The following WWP2 variants were observed in gnomAD, a reference collection of about 807,000 sequenced individuals.
WWP2 encodes the protein NEDD4-like E3 ubiquitin-protein ligase WWP2.
Under a neutral mutation model 121.0 loss-of-function variants are expected in WWP2, and 57 were observed. That is an observed-to-expected ratio of 0.47 (90% CI 0.38 to 0.59). The LOEUF (loss-of-function observed/expected upper bound fraction) is 0.59. WWP2 is among the 20% of genes least tolerant of loss of function. The probability of loss-of-function intolerance (pLI) is 0.00; values close to 1 mark genes in which losing one functional copy is unlikely to be tolerated. For missense variants in WWP2, 962 were observed against 1,158.9 expected (o/e 0.83, Z 2.47); for synonymous variants, 449 against 441.3 (o/e 1.02, Z -0.22).
intron 11 of WWP2, among the ~76,000 whole-genome samples, 193 bp from the exon 12 acceptor site, chr16:69,929,255 A>C (rs996515886): frequency 6.6e-6 from 1 of 151,526 alleles, no homozygotes; most frequent in African/African-American, 2.4e-5. Flanking sequence ...CCCACCACCA[A>C]CAAGGAAGGA....
At chr16:69,803,814 CG>C (rs1238517041) in intron 4 of WWP2, among the ~76,000 whole-genome samples, 2 of 151,942 alleles carry the variant, frequency 1.3e-5, no homozygotes, top group East Asian at 3.9e-4. Context: ...AGTCTGAGGC[CG>C]GGGAGTCACT....
In WWP2 at chr16:69,937,784, G is replaced by C; in HGVS notation, c.2343+132G>C. 1.3e-6 allele frequency: 1 copy of C among 785,216 alleles called. No homozygotes were observed. Among genetic ancestry groups the C allele is most frequent in the South Asian group, 1.7e-5 (1 of 59,662 alleles). The allele number at this position is 785,216 out of a possible 1,614,324, so 48.6% of individuals were successfully genotyped here. A position where few individuals can be genotyped will look rare whatever the true frequency, so the allele number is the denominator to read the frequency against. ...TTGCCTCCCACACCTTGCAAAAGGA[G>C]ACGATAGACCAGCCTTGGGATGAAC... On this transcript the variant is annotated intron_variant, in intron 21 of 23. Coordinates refer to ENST00000359154, the MANE Select transcript of WWP2 (RefSeq NM_001270454.2). This position sits in a 1 kb window ranked among gnomAD's most constrained non-coding sequence, Gnocchi z 6.6.
intron 6 of WWP2, among the ~76,000 whole-genome samples, chr16:69,863,881 A>G (rs1033046560): frequency 1.3e-5 from 2 of 152,196 alleles, no homozygotes; most frequent in Non-Finnish European, 2.9e-5. Context: ...CTGTTGCTGC[A>G]TGTACCAGCA....
At chr16:69,817,113 C>A (rs2056508200) in intron 4 of WWP2, among the ~76,000 whole-genome samples, 1 of 152,142 alleles carries the variant, frequency 6.6e-6, no homozygotes, top group Non-Finnish European at 1.5e-5. Context: ...GGCATATAAT[C>A]ATATTTGTAT....
intron 6 of WWP2, 52 bp downstream of exon 6, chr16:69,842,172 T>C (rs1387018767): frequency 5.2e-6 from 8 of 1,549,020 alleles, no homozygotes; most frequent in Middle Eastern, 1.7e-4. Flanking sequence ...TTAGAGCTAT[T>C]GAAAACATGT....
intron 9 of WWP2, among the ~76,000 whole-genome samples, chr16:69,916,303 T>C (rs1352187331): frequency 6.6e-6 from 1 of 152,078 alleles, no homozygotes; most frequent in Non-Finnish European, 1.5e-5. Context: ...CAAGCAGTCC[T>C]CCCACCTCAG....
intron 6 of WWP2, among the ~76,000 whole-genome samples, chr16:69,849,482 T>TATTC (rs10632935): frequency 0.044 from 6,602 of 149,618 alleles, 362 homozygotes; most frequent in East Asian, 0.3. Flanking sequence ...TTTATTTATT[T>TATTC]ATTCATTCAT....
intron 4 of WWP2, among the ~76,000 whole-genome samples, chr16:69,835,007 G>A (rs1021421510): frequency 6.6e-6 from 1 of 152,158 alleles, no homozygotes; most frequent in African/African-American, 2.4e-5. Flanking sequence ...GCACGGATGT[G>A]AACAGCACGG....
intron 1 of WWP2, among the ~76,000 whole-genome samples, chr16:69,777,026 T>C (rs1436227243): frequency 3.3e-5 from 5 of 151,650 alleles, no homozygotes; most frequent in Admixed American, 3.3e-4. Flanking sequence ...TTTTATATCT[T>C]AAAACAGTAT....
In WWP2 at chr16:69,940,073, G is replaced by A. The variant is rs940857820; in HGVS notation, c.*133G>A. On this transcript the variant is annotated 3_prime_UTR_variant, in exon 24 of 24. Transcript: ENST00000359154. Reference sequence around the variant, plus strand: ...CTGTGTGGGACCACACTGTCATCTCGCTGCTGGCAGAAAAGCCTGATCCCA... The same window carrying A: ...CTGTGTGGGACCACACTGTCATCTCACTGCTGGCAGAAAAGCCTGATCCCA... The A allele has an allele frequency of 2.6e-5, 18 of 699,654 alleles. No homozygotes were observed. Among genetic ancestry groups the A allele is most frequent in the East Asian group, 8.4e-5 (3 of 35,608 alleles). The allele number at this position is 699,654 out of a possible 1,614,324, so 43.3% of individuals were successfully genotyped here.
intron 1 of WWP2, among the ~76,000 whole-genome samples, chr16:69,784,067 T>C (rs2055725463): frequency 6.6e-6 from 1 of 150,574 alleles, no homozygotes; most frequent in Non-Finnish European, 1.5e-5. Flanking sequence ...AGGTTAAAAC[T>C]CTTTTCTTTT....
At chr16:69,858,237 G>T (rs1442253050) in intron 6 of WWP2, among the ~76,000 whole-genome samples, 4 of 152,068 alleles carry the variant, frequency 2.6e-5, no homozygotes, top group Non-Finnish European at 4.4e-5. Flanking sequence ...GTTTTTTTGG[G>T]GAGGAAGGGG....
Position 69,937,787 on chromosome 16 carries a change from G to C in WWP2, c.2343+135G>C. 1.3e-6 allele frequency: 1 copy of C among 765,538 alleles called. No homozygotes were observed. Among genetic ancestry groups the C allele is most frequent in the South Asian group, 1.7e-5 (1 of 58,640 alleles). The allele number at this position is 765,538 out of a possible 1,614,324, so 47.4% of individuals were successfully genotyped here. A position where few individuals can be genotyped will look rare whatever the true frequency, so the allele number is the denominator to read the frequency against. On this transcript the variant is annotated intron_variant, in intron 21 of 23. Coordinates refer to ENST00000359154, the MANE Select transcript of WWP2 (RefSeq NM_001270454.2). This position sits in a 1 kb window ranked among gnomAD's most constrained non-coding sequence, Gnocchi z 6.6. ...CCTCCCACACCTTGCAAAAGGAGAC[G>C]ATAGACCAGCCTTGGGATGAACGGG...
At chr16:69,778,559 A>C (rs1041336613) in intron 1 of WWP2, among the ~76,000 whole-genome samples, 1 of 152,120 alleles carries the variant, frequency 6.6e-6, no homozygotes, top group Non-Finnish European at 1.5e-5. Context: ...CCTAATACGC[A>C]TTAGGAACCT....
At chr16:69,931,128 C>T (rs1357426517) in intron 13 of WWP2, 24 bp from the exon 14 acceptor site, 1 of 1,611,790 alleles carries the variant, frequency 6.2e-7, no homozygotes, top group Admixed American at 1.7e-5. Flanking sequence ...CGCATGAACC[C>T]CTGAACATCT....
chr16:69,834,375 C>T (rs2056840129), intron 4 of WWP2, among the ~76,000 whole-genome samples: 2 of 152,128 alleles, frequency 1.3e-5, no homozygotes, highest in Non-Finnish European at 2.9e-5. Flanking sequence ...ATCCTTTAGT[C>T]TTTGCTCAAT....
chr16:69,799,296 G>A lies in WWP2; in HGVS notation c.340+1G>A, dbSNP rs781293765. ...GTCTTGAAGAACAATGGGGGCAAAA[G>A]TACGTATGATGAAGGGGGTGCCGAC... On this transcript the variant is annotated splice_donor_variant, in intron 4 of 23. Transcript: ENST00000359154. LOFTEE classifies it high-confidence loss of function. This position sits in a 1 kb window ranked among gnomAD's most constrained non-coding sequence, Gnocchi z 4.5. The A allele has an allele frequency of 6.2e-7, 1 of 1,613,106 alleles. No individual in the cohort carries two copies. The highest frequency in any genetic ancestry group is 1.7e-5 in the Admixed American group (1 of 59,708).
At chr16:69,876,293 G>A (rs2057734048) in intron 7 of WWP2, among the ~76,000 whole-genome samples, 1 of 151,316 alleles carries the variant, frequency 6.6e-6, no homozygotes, top group Non-Finnish European at 1.5e-5. Flanking sequence ...GAGGAATCAT[G>A]ATCTAAGGCA....
intron 1 of WWP2, among the ~76,000 whole-genome samples, chr16:69,782,471 AAAG>A (rs1457614819): frequency 2.0e-5 from 3 of 152,192 alleles, no homozygotes; most frequent in African/African-American, 7.2e-5. Context: ...AAAAGCAGTT[AAAG>A]AACAAAAGGG....
Sources: gnomAD v4.1 joint callset for allele counts (sites outside exome capture counted in the v4.1 genomes callset) on GRCh38, gnomAD v4.1.1 for gene constraint, Gnocchi (gnomAD v3.1) non-coding constraint, MANE v1.5 for transcripts, NCBI Gene and HGNC (gene_info 2026-07-23, HGNC 2026-07-21) for gene names.